Variants in STX18 observed in about 807,000 individuals in gnomAD.
STX18 encodes the protein syntaxin-18.
In STX18, 40 loss-of-function variants were observed where a neutral mutation model predicts 50.1. The observed-to-expected ratio is 0.80, with a 90% CI of 0.62 to 1.04. The LOEUF (loss-of-function observed/expected upper bound fraction) is 1.04. STX18 is among the 50% of genes least tolerant of loss of function. The pLI is 0.00. For synonymous variants in STX18, 158 were observed against 151.8 expected (o/e 1.04, Z -0.30); for missense variants, 410 against 415.8 (o/e 0.99, Z 0.12).
chr4:4,505,517 C>T (rs1007086019), intron 1 of STX18, among the ~76,000 whole-genome samples: 3 of 152,178 alleles, frequency 2.0e-5, no homozygotes, highest in South Asian at 2.1e-4. Flanking sequence ...TGGTGGCTCA[C>T]GCCTGCAATC....
chr4:4,419,165 C>T lies in STX18; in HGVS notation c.*869G>A, dbSNP rs568129419. 2 of 152,394 alleles carry T rather than the reference C, an allele frequency of 1.3e-5. No individual in the cohort carries two copies. Among genetic ancestry groups the T allele is most frequent in the East Asian group, 3.9e-4 (2 of 5,188 alleles). 9.4% of individuals were successfully genotyped at this position (152,394 alleles called of 1,614,324 possible). On this transcript the variant is annotated 3_prime_UTR_variant, in exon 11 of 11. Transcript: ENST00000306200. ...TGGGATGCTTCCTGTACAGATGTCT[C>T]ATGCCTTCAGTTACACATAGGTGTT...
intron 5 of STX18, among the ~76,000 whole-genome samples, chr4:4,446,191 C>G (rs1366464650): frequency 6.6e-6 from 1 of 152,022 alleles, no homozygotes; most frequent in Non-Finnish European, 1.5e-5. Context: ...CCATTTCATC[C>G]TATCAAAAAG....
At chr4:4,446,872 C>CA (rs1302793022) in intron 5 of STX18, among the ~76,000 whole-genome samples, 3 of 152,016 alleles carry the variant, frequency 2.0e-5, no homozygotes, top group South Asian at 4.2e-4. Flanking sequence ...CCATCATAGC[C>CA]AAAAAAATGG....
rs544689163 is a variant in STX18, at chr4:4,474,306, G to A, written c.169-2600C>T. On this transcript the variant is annotated intron_variant, in intron 1 of 10. Transcript: ENST00000306200. ...ACTGCAAACTCTGAGAGGGCAGAGA[G>A]TCCTCTCTCTTTCCCCAGAGCTTGT... Among the ~76,000 whole-genome samples the A allele has an allele frequency of 1.1e-4, 16 of 147,452 alleles. No homozygotes were observed. In the South Asian group the frequency reaches 3.4e-3, roughly 31 times the overall value.
rs150109764 is a variant in STX18 at position 4,465,742 on chromosome 4, T to C, written c.236+5897A>G. Reference sequence around the variant, plus strand: ...TTTACCTATGTAACAAACCTGCACATCCTACACATGTACCCAGGAACTTAA... The same window carrying C: ...TTTACCTATGTAACAAACCTGCACACCCTACACATGTACCCAGGAACTTAA... On this transcript the variant is annotated intron_variant, in intron 2 of 10. Coordinates refer to ENST00000306200, the MANE Select transcript of STX18 (RefSeq NM_016930.4). 8.7e-3 allele frequency among the ~76,000 whole-genome samples: 1,318 copies of C among 152,256 alleles called. 10 individuals carry two copies. Among genetic ancestry groups the C allele is most frequent in the Non-Finnish European group, 0.014 (951 of 68,008 alleles).
At chr4:4,500,156 CGA>C (rs1187624255) in intron 1 of STX18, among the ~76,000 whole-genome samples, 1 of 152,032 alleles carries the variant, frequency 6.6e-6, no homozygotes, top group East Asian at 1.9e-4. Flanking sequence ...GGAGAGTTTA[CGA>C]GATATGCAAA....
At chr4:4,488,360 GT>G (rs984940539) in intron 1 of STX18, among the ~76,000 whole-genome samples, 67 of 152,280 alleles carry the variant, frequency 4.4e-4, no homozygotes, top group African/African-American at 1.6e-3. Flanking sequence ...ATGTGGAGAT[GT>G]CAAGCACCAG....
At chr4:4,530,286 C>T (rs1292930371) in intron 1 of STX18, among the ~76,000 whole-genome samples, 1 of 151,902 alleles carries the variant, frequency 6.6e-6, no homozygotes, top group African/African-American at 2.4e-5. Flanking sequence ...CAGTCATTTC[C>T]ATGCCTAGAG....
At chr4:4,454,167 G>A (rs1726943343) in intron 5 of STX18, among the ~76,000 whole-genome samples, 1 of 152,210 alleles carries the variant, frequency 6.6e-6, no homozygotes, top group Non-Finnish European at 1.5e-5. Context: ...AAAATCACAT[G>A]TACGTTTTAG....
At chr4:4,458,374 T>TG (rs569654222) in intron 3 of STX18, among the ~76,000 whole-genome samples, 9 of 152,160 alleles carry the variant, frequency 5.9e-5, no homozygotes, top group Admixed American at 1.3e-4. Flanking sequence ...AAGATTTGTG[T>TG]GGGGGACTCA....
chr4:4,477,200 G>A (rs999802360), intron 1 of STX18, among the ~76,000 whole-genome samples: 2 of 152,058 alleles, frequency 1.3e-5, no homozygotes, highest in East Asian at 1.9e-4. Flanking sequence ...CCGAGATCGC[G>A]CCACTGCACT....
At chr4:4,499,235 C>G (rs1045867071) in intron 1 of STX18, among the ~76,000 whole-genome samples, 1 of 152,058 alleles carries the variant, frequency 6.6e-6, no homozygotes, top group African/African-American at 2.4e-5. Flanking sequence ...GAATGGAAAG[C>G]CATAATTGTA....
intron 1 of STX18, among the ~76,000 whole-genome samples, chr4:4,523,219 GGATCCA>G (rs991952320): frequency 6.6e-6 from 1 of 152,074 alleles, no homozygotes; most frequent in Non-Finnish European, 1.5e-5. Flanking sequence ...TTACTTGGAG[GGATCCA>G]CAGGCCTACG....
chr4:4,509,825 A>G (rs1196905115), intron 1 of STX18, among the ~76,000 whole-genome samples: 1 of 152,086 alleles, frequency 6.6e-6, no homozygotes, highest in African/African-American at 2.4e-5. Context: ...GGAGAAGTAA[A>G]AGTTATGCAG....
At chr4:4,438,279 GCAAATA>G in intron 6 of STX18, 109 bp downstream of exon 6, 1 of 801,524 alleles carries the variant, frequency 1.2e-6, no homozygotes, top group Admixed American at 2.5e-5. Flanking sequence ...TTTGCTTTAT[GCAAATA>G]CAAACACCAA....
intron 5 of STX18, among the ~76,000 whole-genome samples, chr4:4,449,031 T>C (rs1298909628): frequency 2.7e-5 from 4 of 150,926 alleles, no homozygotes; most frequent in Admixed American, 2.0e-4. Context: ...ATTTCTCCCT[T>C]GGACCCCATT....
intron 2 of STX18, among the ~76,000 whole-genome samples, chr4:4,464,926 A>G (rs1311671083): frequency 1.4e-5 from 2 of 148,010 alleles, no homozygotes; most frequent in Admixed American, 1.4e-4. Context: ...GTGTGTCTCT[A>G]TCTCCTTTAG....
At chr4:4,457,081 A>C in intron 5 of STX18, 110 bp downstream of exon 5, 2 of 1,041,926 alleles carry the variant, frequency 1.9e-6, no homozygotes, top group Non-Finnish European at 2.8e-6. Flanking sequence ...GCATTTTGCG[A>C]AGAAGTTCAA....
chr4:4,442,185 G>C (rs979572272), intron 5 of STX18, among the ~76,000 whole-genome samples: 11 of 152,166 alleles, frequency 7.2e-5, no homozygotes, highest in African/African-American at 2.7e-4. Context: ...TTTAATATAT[G>C]ATATGGTTTA....
Sources: allele counts gnomAD v4.1 joint callset (sites outside exome capture counted in the v4.1 genomes callset), GRCh38; gene constraint gnomAD v4.1.1; transcripts MANE v1.5; gene names NCBI Gene and HGNC (gene_info 2026-07-23, HGNC 2026-07-21).